Variants in GABRA1 observed in about 807,000 individuals in gnomAD.
GABRA1 encodes the protein gamma-aminobutyric acid receptor subunit alpha-1.
GABRA1 carries 9 observed loss-of-function variants against 48.9 expected under a neutral mutation model. That is an observed-to-expected ratio of 0.18 (90% confidence interval 0.11 to 0.32). The LOEUF is 0.32. Among genes scored for constraint, GABRA1 ranks in the 10% least tolerant of loss-of-function variants. The pLI, the probability that GABRA1 is intolerant of heterozygous loss-of-function variation, is 1.00. For missense variants in GABRA1, 285 were observed against 553.8 expected, an observed-to-expected ratio of 0.51 and a Z score of 4.87; for synonymous variants, 210 against 198.7, an observed-to-expected ratio of 1.06 and a Z score of -0.48.
chr5:161,864,747 TG>T (rs1757988312), intron 3 of GABRA1, among the ~76,000 whole-genome samples: 1 of 151,538 alleles, frequency 6.6e-6, no homozygotes, highest in Admixed American at 6.6e-5. Flanking sequence ...TTTGTTTTCT[TG>T]CATTAAATCA....
chr5:161,893,308 A>T (rs190455453), intron 8 of GABRA1, among the ~76,000 whole-genome samples: 137 of 152,186 alleles, frequency 9.0e-4, no homozygotes, highest in African/African-American at 3.1e-3. Flanking sequence ...CTTAGTTGTG[A>T]CAAGTATTTT....
At chr5:161,893,999 C>A (rs1013919598) in intron 8 of GABRA1, among the ~76,000 whole-genome samples, 1 of 151,990 alleles carries the variant, frequency 6.6e-6, no homozygotes, top group Non-Finnish European at 1.5e-5. Context: ...TAAAAATACC[C>A]GTTACCACAT....
At chr5:161,854,101 G>T in intron 2 of GABRA1, 57 bp from the exon 3 acceptor site, 2 of 851,244 alleles carry the variant, frequency 2.3e-6, no homozygotes, top group Non-Finnish European at 3.9e-6. Flanking sequence ...TATTTGGAAA[G>T]AGGTTTTAGT....
Position 161,895,391 on chromosome 5 carries a change from G to A in GABRA1, c.857-275G>A, listed in dbSNP as rs116053991. On this transcript the variant is annotated intron_variant, in intron 8 of 9. Coordinates refer to ENST00000393943, the MANE Select transcript of GABRA1 (RefSeq NM_001127644.2). ...TACCCAGGACACCCATGTTCAAAGC[G>A]CCAATTTAAAGGAGCTTACTATCTT... Among the ~76,000 whole-genome samples, 78 of 152,196 alleles carry A rather than the reference G, an allele frequency of 5.1e-4. 1 individual carries two copies. The highest frequency in any genetic ancestry group is 1.7e-3 in the African/African-American group (69 of 41,544).
chr5:161,849,160 G>A, intron 1 of GABRA1: 1 of 277,690 alleles, frequency 3.6e-6, no homozygotes, highest in South Asian at 2.9e-5. Context: ...AACAACTGAA[G>A]TGCCATGATA....
intron 3 of GABRA1, among the ~76,000 whole-genome samples, chr5:161,857,318 CTT>C (rs995654295): frequency 4.6e-5 from 7 of 151,464 alleles, no homozygotes; most frequent in African/African-American, 1.7e-4. Context: ...TAAGCTGAGA[CTT>C]GAGACTAATA....
chr5:161,866,495 A>G (rs1753856988), intron 4 of GABRA1, among the ~76,000 whole-genome samples: 1 of 152,124 alleles, frequency 6.6e-6, no homozygotes, highest in Admixed American at 6.6e-5. Flanking sequence ...ATGGAAACAT[A>G]CCATTATGAA....
chr5:161,872,700 T>C (rs2113379299), intron 4 of GABRA1, among the ~76,000 whole-genome samples: 1 of 152,250 alleles, frequency 6.6e-6, no homozygotes, highest in South Asian at 2.1e-4. Flanking sequence ...CCCAAAACAC[T>C]AGGCTTTATC....
At chr5:161,880,157 G>A (rs1754550642) in intron 6 of GABRA1, among the ~76,000 whole-genome samples, 1 of 152,100 alleles carries the variant, frequency 6.6e-6, no homozygotes, top group Non-Finnish European at 1.5e-5. Flanking sequence ...TATTAGTAAT[G>A]TCTGCTTAAA....
chr5:161,875,458 T>C, intron 5 of GABRA1, 102 bp from the exon 6 acceptor site: 1 of 929,308 alleles, frequency 1.1e-6, no homozygotes, highest in South Asian at 1.3e-5. Flanking sequence ...AATTATGCCT[T>C]CTTTGTTAAT....
chr5:161,869,661 A>G (rs971993656), intron 4 of GABRA1, among the ~76,000 whole-genome samples: 2 of 152,190 alleles, frequency 1.3e-5, no homozygotes, highest in Non-Finnish European at 2.9e-5. Flanking sequence ...GAACACTTCA[A>G]TACAATATTT....
At chr5:161,882,854 GAC>G in intron 7 of GABRA1, among the ~76,000 whole-genome samples, 153 bp downstream of exon 7, 1 of 152,306 alleles carries the variant, frequency 6.6e-6, no homozygotes, top group East Asian at 1.9e-4. Context: ...AAACTCGGTA[GAC>G]CTGTGACCTT....
Position 161,848,967 on chromosome 5 carries a change from T to G in GABRA1, c.-16+545T>G, listed in dbSNP as rs1416686431. On this transcript the variant is annotated intron_variant, in intron 1 of 9. Coordinates refer to ENST00000393943, the MANE Select transcript of GABRA1 (RefSeq NM_001127644.2). ...AGTGGACGCTGGTGAAATGCCCTCT[T>G]GTGTAGGGGTCTCTCCCATTCTGAA... The G allele has an allele frequency of 4.2e-5, 19 of 455,444 alleles. No individual in the cohort carries two copies. In the East Asian group the frequency reaches 4.2e-4, roughly 10 times the overall value. The allele number at this position is 455,444 out of a possible 1,614,324, so 28.2% of individuals were successfully genotyped here. A position where few individuals can be genotyped will look rare whatever the true frequency, so the allele number is the denominator to read the frequency against.
intron 2 of GABRA1, among the ~76,000 whole-genome samples, chr5:161,853,117 T>C (rs1304679436): frequency 6.6e-6 from 1 of 151,860 alleles, no homozygotes; most frequent in Non-Finnish European, 1.5e-5. Context: ...GTAAATGTGA[T>C]CCATCCTAAG....
At chr5:161,858,022 T>G (rs1221319345) in intron 3 of GABRA1, among the ~76,000 whole-genome samples, 3 of 141,988 alleles carry the variant, frequency 2.1e-5, no homozygotes, top group Admixed American at 7.0e-5. Context: ...GGATAGAAAA[T>G]AAAGAGAGAA....
At chr5:161,892,880 T>G (rs1385643250) in intron 8 of GABRA1, among the ~76,000 whole-genome samples, 1 of 151,792 alleles carries the variant, frequency 6.6e-6, no homozygotes, top group Non-Finnish European at 1.5e-5. Flanking sequence ...GGTGGGTGCC[T>G]GTAGTCTCAG....
intron 7 of GABRA1, 23 bp downstream of exon 7, chr5:161,882,724 A>T: frequency 6.2e-7 from 1 of 1,602,680 alleles, no homozygotes; most frequent in Non-Finnish European, 8.5e-7. Flanking sequence ...TTGTTACTTC[A>T]GTTATGGAGG....
chr5:161,875,900 A>G (rs532925282), intron 6 of GABRA1, among the ~76,000 whole-genome samples: 2 of 152,284 alleles, frequency 1.3e-5, no homozygotes, highest in East Asian at 3.9e-4. Flanking sequence ...CTGAATTTGT[A>G]TTTATAGAAA....
chr5:161,873,505 T>A (rs1754214824), intron 5 of GABRA1, among the ~76,000 whole-genome samples, 168 bp downstream of exon 5: 1 of 152,192 alleles, frequency 6.6e-6, no homozygotes, highest in South Asian at 2.1e-4. Flanking sequence ...CAGTCAAGGA[T>A]GAAGTATTAT....
Sources: allele counts gnomAD v4.1 joint callset (sites outside exome capture counted in the v4.1 genomes callset), GRCh38; gene constraint gnomAD v4.1.1; transcripts MANE v1.5; gene names NCBI Gene and HGNC (gene_info 2026-07-23, HGNC 2026-07-21).